The following FCHSD2 variants were observed in gnomAD, a reference collection of about 807,000 sequenced individuals.
The protein encoded by FCHSD2 is FCH and double SH3 domains 2.
A neutral mutation model predicts 108.1 loss-of-function variants in FCHSD2; 38 were observed. That is an observed-to-expected ratio of 0.35 (90% CI 0.27 to 0.46). The LOEUF is 0.46. Among genes scored for constraint, FCHSD2 ranks in the 20% least tolerant of loss-of-function variants. The probability of loss-of-function intolerance (pLI) is 1.00; values close to 1 mark genes in which losing one functional copy is unlikely to be tolerated. For synonymous variants in FCHSD2, 279 were observed against 314.7 expected, an observed-to-expected ratio of 0.89 and a Z score of 1.20; for missense variants, 751 against 897.8, an observed-to-expected ratio of 0.84 and a Z score of 2.09.
At chr11:72,897,115 G>A (rs979786761) in intron 10 of FCHSD2, among the ~76,000 whole-genome samples, 4 of 151,848 alleles carry the variant, frequency 2.6e-5, no homozygotes, top group African/African-American at 7.3e-5. Context: ...TTACAGGCGT[G>A]AGCCACCACG....
chr11:73,109,774 C>G (rs1053674098), intron 2 of FCHSD2, among the ~76,000 whole-genome samples: 1 of 152,128 alleles, frequency 6.6e-6, no homozygotes, highest in African/African-American at 2.4e-5. Flanking sequence ...TTGCCATGTT[C>G]CAGATCTTAG....
chr11:72,937,018 T>A (rs866850194), intron 8 of FCHSD2, among the ~76,000 whole-genome samples: 9 of 152,296 alleles, frequency 5.9e-5, no homozygotes, highest in African/African-American at 2.2e-4. Context: ...TTGTTAAAAA[T>A]TAAACATTTA....
intron 2 of FCHSD2, among the ~76,000 whole-genome samples, chr11:73,117,419 T>C (rs987350302): frequency 2.2e-4 from 33 of 152,338 alleles, no homozygotes; most frequent in African/African-American, 7.7e-4. Flanking sequence ...TTAGGCATAT[T>C]TTGGGTTTTT....
chr11:72,949,372 C>T (rs1026211927), intron 8 of FCHSD2, among the ~76,000 whole-genome samples: 4 of 152,004 alleles, frequency 2.6e-5, no homozygotes, highest in South Asian at 2.1e-4. Context: ...ATCACTTGAA[C>T]CCTGGAGGCA....
chr11:73,012,743 T>C (rs753805741), intron 4 of FCHSD2, among the ~76,000 whole-genome samples: 2 of 152,142 alleles, frequency 1.3e-5, no homozygotes, highest in Non-Finnish European at 2.9e-5. Context: ...ATTCAGTCAG[T>C]AAATATTTAT....
intron 12 of FCHSD2, among the ~76,000 whole-genome samples, chr11:72,875,382 T>G (rs1446363584): frequency 1.3e-5 from 2 of 152,210 alleles, no homozygotes; most frequent in Non-Finnish European, 2.9e-5. Flanking sequence ...ATTATTTATT[T>G]GACAGAGTCT....
At chr11:73,102,486 A>G (rs1565411477) in intron 2 of FCHSD2, among the ~76,000 whole-genome samples, 2 of 152,234 alleles carry the variant, frequency 1.3e-5, no homozygotes, top group Non-Finnish European at 2.9e-5. Flanking sequence ...AAAGCAATGA[A>G]ACGAAACATC....
At chr11:73,096,407 C>T (rs1350912082) in intron 2 of FCHSD2, among the ~76,000 whole-genome samples, 2 of 146,798 alleles carry the variant, frequency 1.4e-5, no homozygotes, top group Non-Finnish European at 3.0e-5. Flanking sequence ...AAAAATTAGC[C>T]AGATGTGGTG....
At chr11:72,856,702 C>T (rs1375685764) in intron 13 of FCHSD2, among the ~76,000 whole-genome samples, 1 of 152,172 alleles carries the variant, frequency 6.6e-6, no homozygotes, top group Non-Finnish European at 1.5e-5. Context: ...TATCATCAGT[C>T]AGTTCGGTGG....
At chr11:73,049,873 A>G (rs748757363) in intron 3 of FCHSD2, among the ~76,000 whole-genome samples, 1 of 81,830 alleles carries the variant, frequency 1.2e-5, no homozygotes, top group Middle Eastern at 9.3e-3. Flanking sequence ...AAAGGACCAT[A>G]AAAAAAAAAT....
At chr11:73,062,937 A>C (rs925844007) in intron 3 of FCHSD2, among the ~76,000 whole-genome samples, 4 of 152,204 alleles carry the variant, frequency 2.6e-5, no homozygotes, top group African/African-American at 7.2e-5. Context: ...AATACATAGA[A>C]CACCACAAAG....
chr11:73,072,999 A>G (rs529152265), intron 3 of FCHSD2, among the ~76,000 whole-genome samples: 29 of 152,242 alleles, frequency 1.9e-4, no homozygotes, highest in African/African-American at 6.3e-4. Flanking sequence ...AGCCGCCCTT[A>G]AAGTCCACAA....
At chr11:73,090,068 A>G (rs1270746261) in intron 2 of FCHSD2, among the ~76,000 whole-genome samples, 1 of 152,152 alleles carries the variant, frequency 6.6e-6, no homozygotes, top group Admixed American at 6.5e-5. Context: ...GAAAATTCTC[A>G]GGGAAAAAAG....
At chr11:72,882,645 A>G (rs1431913948) in intron 12 of FCHSD2, among the ~76,000 whole-genome samples, 1 of 152,254 alleles carries the variant, frequency 6.6e-6, no homozygotes, top group Non-Finnish European at 1.5e-5. Flanking sequence ...TATCACATGC[A>G]TCTCATAAAT....
Position 72,840,937 on chromosome 11 carries a change from T to A in FCHSD2, c.2079A>T (p.Ser693=), listed in dbSNP as rs190050244. The change falls in exon 19 of 20, where the codon TCA becomes TCT. Residue 693 remains serine (S), a synonymous_variant. Coordinates refer to ENST00000409418, the MANE Select transcript of FCHSD2 (RefSeq NM_014824.3). ...GCCTTGATGCCTGTGAGAATCCTGGTGACTCAGCATGAAGGCTTTTTTCTA... is the reference window on the plus strand; with the variant it reads ...GCCTTGATGCCTGTGAGAATCCTGGAGACTCAGCATGAAGGCTTTTTTCTA... ...SANEKSLHAE[S]PGFSQASRHT... is the part of the protein sequence containing the mutation. 201 of 1,613,176 alleles carry A rather than the reference T, an allele frequency of 1.2e-4. No homozygotes were observed. Among genetic ancestry groups the A allele is most frequent in the Admixed American group, 3.3e-4 (20 of 59,994 alleles).
chr11:72,974,799 G>A (rs1857075334), intron 8 of FCHSD2, among the ~76,000 whole-genome samples: 1 of 151,722 alleles, frequency 6.6e-6, no homozygotes, highest in Non-Finnish European at 1.5e-5. Flanking sequence ...CTCCAAGAAA[G>A]AGGGCATTAA....
chr11:72,890,701 T>G (rs1028281949), intron 10 of FCHSD2, among the ~76,000 whole-genome samples: 1 of 151,818 alleles, frequency 6.6e-6, no homozygotes, highest in African/African-American at 2.4e-5. Flanking sequence ...CCTGATGATG[T>G]GGGTCCCACA....
chr11:72,919,814 T>C (rs960723971), intron 9 of FCHSD2, among the ~76,000 whole-genome samples: 1 of 151,434 alleles, frequency 6.6e-6, no homozygotes, highest in Non-Finnish European at 1.5e-5. Context: ...AAAATTAGAA[T>C]AAATGTCGTT....
At chr11:72,840,786 A>C in intron 19 of FCHSD2, 91 bp downstream of exon 19, 1 of 939,228 alleles carries the variant, frequency 1.1e-6, no homozygotes, top group Non-Finnish European at 1.7e-6. Flanking sequence ...CATAGTCAGT[A>C]ACAACACAGG....
Sources: allele counts gnomAD v4.1 joint callset (sites outside exome capture counted in the v4.1 genomes callset), GRCh38; gene constraint gnomAD v4.1.1; transcripts MANE v1.5; gene names NCBI Gene and HGNC (gene_info 2026-07-23, HGNC 2026-07-21).